Variants in NEGR1 observed in about 807,000 individuals in gnomAD.
The protein encoded by NEGR1 is neuronal growth regulator 1.
In NEGR1, 10 loss-of-function variants were observed where a neutral mutation model predicts 40.9. The ratio of observed to expected loss-of-function variants is 0.24; its 90% CI spans 0.15 to 0.42. The LOEUF is 0.42. Ranked by LOEUF, NEGR1 falls within the 10% of genes least tolerant of loss-of-function variation. The probability of loss-of-function intolerance (pLI) is 1.00; values close to 1 mark genes in which losing one functional copy is unlikely to be tolerated. For synonymous variants in NEGR1, 185 were observed against 166.8 expected, an observed-to-expected ratio of 1.11 and a Z score of -0.84; for missense variants, 352 against 438.9, an observed-to-expected ratio of 0.80 and a Z score of 1.77.
intron 3 of NEGR1, among the ~76,000 whole-genome samples, chr1:71,718,308 C>A (rs1189528510): frequency 6.6e-6 from 1 of 152,066 alleles, no homozygotes; most frequent in East Asian, 1.9e-4. Flanking sequence ...ATGTCTGCAC[C>A]TCTCCCTGCC....
chr1:72,198,670 A>G (rs967136227), intron 1 of NEGR1, among the ~76,000 whole-genome samples: 9 of 151,936 alleles, frequency 5.9e-5, no homozygotes, highest in African/African-American at 2.2e-4. Context: ...CTCTTTGATT[A>G]TAATAACAAC....
At chr1:72,043,217 T>A (rs1646971203) in intron 1 of NEGR1, among the ~76,000 whole-genome samples, 2 of 151,930 alleles carry the variant, frequency 1.3e-5, no homozygotes, top group South Asian at 4.1e-4. Flanking sequence ...TTTAAGGTTT[T>A]CTTCTTCTCA....
intron 1 of NEGR1, among the ~76,000 whole-genome samples, chr1:72,157,079 C>G (rs1226844130): frequency 6.6e-6 from 1 of 152,100 alleles, no homozygotes; most frequent in Non-Finnish European, 1.5e-5. Context: ...CCTCCTACCT[C>G]AGCTTCCTGA....
chr1:71,783,214 A>C (rs758218239), intron 2 of NEGR1, among the ~76,000 whole-genome samples: 3 of 152,118 alleles, frequency 2.0e-5, no homozygotes, highest in Admixed American at 6.6e-5. Flanking sequence ...GCACTCCCAT[A>C]TCTGGTAATG....
intron 2 of NEGR1, among the ~76,000 whole-genome samples, chr1:71,822,298 G>T (rs1658459015): frequency 6.6e-6 from 1 of 151,936 alleles, no homozygotes; most frequent in Admixed American, 6.6e-5. Context: ...TGCACAAAAT[G>T]AGAAGATCTA....
At chr1:72,072,396 G>C (rs1445767596) in intron 1 of NEGR1, among the ~76,000 whole-genome samples, 1 of 151,840 alleles carries the variant, frequency 6.6e-6, no homozygotes, top group East Asian at 1.9e-4. Flanking sequence ...TCTCATGCCG[G>C]GGGACAGCTC....
intron 2 of NEGR1, among the ~76,000 whole-genome samples, chr1:71,798,944 A>C (rs1265022274): frequency 6.6e-6 from 1 of 152,186 alleles, no homozygotes; most frequent in Non-Finnish European, 1.5e-5. Flanking sequence ...TAAGACAGTT[A>C]TCACTCTGCA....
At chr1:71,447,166 A>T (rs759087452) in intron 6 of NEGR1, among the ~76,000 whole-genome samples, 9 of 152,316 alleles carry the variant, frequency 5.9e-5, no homozygotes, top group Middle Eastern at 3.4e-3. Context: ...AGATTCTCAT[A>T]GGAGCGTGGA....
At chr1:72,273,777 T>C (rs1655939224) in intron 1 of NEGR1, among the ~76,000 whole-genome samples, 1 of 151,856 alleles carries the variant, frequency 6.6e-6, no homozygotes, top group South Asian at 2.1e-4. Context: ...TGTATATCTC[T>C]TAAACCACTA....
rs1646780198 is a variant in NEGR1, at chr1:72,023,657, A to C, written c.177-88346T>G. 2.0e-5 allele frequency among the ~76,000 whole-genome samples: 3 copies of C among 151,216 alleles called. No homozygotes were observed. The Admixed American group carries it at 2.0e-4, about 10-fold the overall frequency. Reference sequence around the variant, plus strand: ...ATGTTTAAAACATTTTAGTAAAAAAAAAACTTAACAAATAACACAAGAACA... The same window carrying C: ...ATGTTTAAAACATTTTAGTAAAAAACAAACTTAACAAATAACACAAGAACA... On this transcript the variant is annotated intron_variant, in intron 1 of 6. Coordinates refer to ENST00000357731, the MANE Select transcript of NEGR1 (RefSeq NM_173808.3).
intron 1 of NEGR1, among the ~76,000 whole-genome samples, chr1:71,973,313 C>A (rs1258607038): frequency 1.5e-5 from 2 of 129,498 alleles, no homozygotes; most frequent in Non-Finnish European, 3.2e-5. Context: ...GAGACTCCAA[C>A]TCAAAAGAAA....
chr1:71,585,417 C>A (rs1298712300), intron 6 of NEGR1, among the ~76,000 whole-genome samples: 1 of 152,010 alleles, frequency 6.6e-6, no homozygotes, highest in Non-Finnish European at 1.5e-5. Context: ...AAGGGTAGGG[C>A]TTCTAGTAAA....
chr1:71,712,718 C>G lies in NEGR1; in HGVS notation c.536-14579G>C, dbSNP rs912122844. ...GATTTGAGTCCCTGGTATCCCTGCC[C>G]AAATTTCATATCCAATTGGAGGATG... On this transcript the variant is annotated intron_variant, in intron 3 of 6. Transcript: ENST00000357731. 1.2e-4 allele frequency among the ~76,000 whole-genome samples: 19 copies of G among 152,048 alleles called. 1 individual carries two copies. Among genetic ancestry groups the G allele is most frequent in the African/African-American group, 4.3e-4 (18 of 41,396 alleles).
At chr1:71,752,965 A>G (rs994783696) in intron 3 of NEGR1, among the ~76,000 whole-genome samples, 2 of 152,164 alleles carry the variant, frequency 1.3e-5, no homozygotes, top group African/African-American at 2.4e-5. Flanking sequence ...TAGCAAGTCC[A>G]TGTAGCTAGT....
At chr1:71,455,203 AC>A (rs1646663605) in intron 6 of NEGR1, among the ~76,000 whole-genome samples, 1 of 152,108 alleles carries the variant, frequency 6.6e-6, no homozygotes, top group Admixed American at 6.5e-5. Flanking sequence ...TCAGTATTTA[AC>A]TCAAAATACC....
At chr1:71,688,331 T>TATATATATATAG (rs1348561826) in intron 4 of NEGR1, among the ~76,000 whole-genome samples, 1 of 85,874 alleles carries the variant, frequency 1.2e-5, no homozygotes, top group African/African-American at 4.3e-5. Flanking sequence ...TATATATAGA[T>TATATATATATAG]AGATAGATAG....
At chr1:72,059,037 A>C (rs1019936106) in intron 1 of NEGR1, among the ~76,000 whole-genome samples, 5 of 151,602 alleles carry the variant, frequency 3.3e-5, no homozygotes, top group African/African-American at 7.3e-5. Flanking sequence ...ATACAACTAG[A>C]ACCTTGTCTT....
chr1:72,103,046 A>AT (rs1022287146), intron 1 of NEGR1, among the ~76,000 whole-genome samples: 1 of 152,054 alleles, frequency 6.6e-6, no homozygotes, highest in Non-Finnish European at 1.5e-5. Flanking sequence ...AATGTTTATC[A>AT]TTTGTCACTC....
At chr1:71,523,512 C>T (rs1569983527) in intron 6 of NEGR1, among the ~76,000 whole-genome samples, 1 of 151,992 alleles carries the variant, frequency 6.6e-6, no homozygotes, top group African/African-American at 2.4e-5. Context: ...AAGCACAAAA[C>T]AGCCTTGTCT....
Sources: gnomAD v4.1 joint callset for allele counts (sites outside exome capture counted in the v4.1 genomes callset) on GRCh38, gnomAD v4.1.1 for gene constraint, MANE v1.5 for transcripts, NCBI Gene and HGNC (gene_info 2026-07-23, HGNC 2026-07-21) for gene names.